The following OR5L1 variants were observed in gnomAD, a reference collection of about 807,000 sequenced individuals.
OR5L1 encodes the protein olfactory receptor family 5 subfamily L member 1, also known as olfactory receptor 5L1.
For missense variants in OR5L1, 398 were observed against 365.8 expected, an observed-to-expected ratio of 1.09 and a Z score of -0.72; for synonymous variants, 197 against 146.6, an observed-to-expected ratio of 1.34 and a Z score of -2.49.
Position 55,811,875 on chromosome 11 carries a change from T to A in OR5L1, c.409T>A (p.Ser137Thr). 6.2e-7 allele frequency: 1 copy of A among 1,614,010 alleles called. No homozygotes were observed. The highest frequency in any genetic ancestry group is 1.1e-5 in the South Asian group (1 of 91,080). The change falls in exon 1 of 1, where the codon TCT (serine) becomes ACT (threonine). Residue 137 changes from serine to threonine, a missense_variant. Coordinates refer to ENST00000625203, the MANE Select transcript of OR5L1 (RefSeq NM_001004738.2). ...CNPLLYTVTMSWKVRVELASC... is the reference protein window; with the variant it reads ...CNPLLYTVTMTWKVRVELASC... ...CCCTTTGCTATACACAGTCACCATG[T>A]CTTGGAAGGTGCGTGTGGAGCTGGC...
Position 55,811,533 on chromosome 11 carries a change from T to A in OR5L1, c.67T>A (p.Leu23Met). Residue 23 changes from leucine to methionine, a missense_variant, in exon 1 of 1, where the codon TTG becomes ATG. Leu to Met is a conservative substitution (Grantham distance 15, BLOSUM62 2). Transcript: ENST00000625203. ...ILLGLSDVPE[L>M]RVCLFLLFLL... ...CCTTGGACTATCAGATGTCCCTGAG[T>A]TGAGAGTCTGCCTCTTCCTGCTGTT... The A allele has an allele frequency of 6.2e-7, 1 of 1,613,972 alleles. No individual in the cohort carries two copies. The highest frequency in any genetic ancestry group is 2.2e-5 in the East Asian group (1 of 44,866).
chr11:55,812,426 AG>A lies in OR5L1; in HGVS notation c.*26del. 6.5e-7 allele frequency: 1 copy of A among 1,547,044 alleles called. No homozygotes were observed. Among genetic ancestry groups the A allele is most frequent in the Non-Finnish European group, 8.8e-7 (1 of 1,135,076 alleles). ...AGGGAAGATTTTATTAGCACAATTC[AG>A]GATTCCCAAGTAGTGGCAGGCGGGG... On this transcript the variant is annotated 3_prime_UTR_variant, in exon 1 of 1. Coordinates refer to ENST00000625203, the MANE Select transcript of OR5L1 (RefSeq NM_001004738.2).
rs775946927 is a variant in OR5L1 at position 55,812,415 on chromosome 11, TAG to T, written c.*14_*15del. 1.1e-5 allele frequency: 18 copies of T among 1,576,964 alleles called. No individual in the cohort carries two copies. The highest frequency in any genetic ancestry group is 1.7e-4 in the Middle Eastern group (1 of 5,902). ...AATTCACTCCTAGGGAAGATTTTAT[TAG>T]CACAATTCAGGATTCCCAAGTAGTG... On this transcript the variant is annotated 3_prime_UTR_variant, in exon 1 of 1. Transcript: ENST00000625203.
In OR5L1 at chr11:55,812,104, T is replaced by C. The variant is rs2134456606; in HGVS notation, c.638T>C (p.Ile213Thr). 2 of 1,614,046 alleles carry C rather than the reference T, an allele frequency of 1.2e-6. No homozygotes were observed. Among genetic ancestry groups the C allele is most frequent in the African/African-American group, 2.7e-5 (2 of 74,924 alleles). The change falls in exon 1 of 1, where the codon ATC becomes ACC. Residue 213 changes from isoleucine to threonine, a missense_variant. Coordinates refer to ENST00000625203, the MANE Select transcript of OR5L1 (RefSeq NM_001004738.2). The part of the protein sequence containing the change: ...ATLNESVTIM[I>T]ILTSYLLILT... ...TTGAATGAGAGTGTTACCATCATGA[T>C]CATCCTCACCTCCTACCTGCTAATT...
Position 55,812,165 on chromosome 11 carries a change from C to T in OR5L1, c.699C>T (p.Gly233=). 6.2e-7 allele frequency: 1 copy of T among 1,613,968 alleles called. No individual in the cohort carries two copies. Among genetic ancestry groups the T allele is most frequent in the African/African-American group, 1.3e-5 (1 of 74,878 alleles). ...TCCTGAAGATGGGCTCTGCAGAGGG[C>T]AGGCACAAAGCCTTCTCCACCTGTG... ...TTILKMGSAE[G]RHKAFSTCAS... is the part of the protein sequence containing the mutation. The change falls in exon 1 of 1, where the codon GGC becomes GGT. Residue 233 remains glycine, a synonymous_variant. Transcript: ENST00000625203.
rs1233522334 is a variant in OR5L1, at chr11:55,812,390, A to G, written c.924A>G (p.Lys308=). ...CTCTCAGAAAAGTGATGGGCTCCAA[A>G]ATTCACTCCTAGGGAAGATTTTATT... ...KEALRKVMGS[K]IHS is the part of the protein sequence containing the mutation. The change falls in exon 1 of 1, where the codon AAA becomes AAG. Residue 308 remains lysine, a synonymous_variant. Transcript: ENST00000625203. 1 of 1,604,248 alleles carries G rather than the reference A, an allele frequency of 6.2e-7. No individual in the cohort carries two copies. The highest frequency in any genetic ancestry group is 2.2e-5 in the East Asian group (1 of 44,858).
At position 55,812,149 on chromosome 11, in the gene OR5L1, T is replaced by C. The variant is rs760158847; in HGVS notation, c.683T>C (p.Met228Thr). 3.1e-6 allele frequency: 5 copies of C among 1,614,042 alleles called. No homozygotes were observed. The highest frequency in any genetic ancestry group is 4.2e-6 in the Non-Finnish European group (5 of 1,180,042). The change falls in exon 1 of 1, where the codon ATG (methionine) becomes ACG (threonine). Residue 228 changes from methionine (M) to threonine (T), a missense_variant. Physicochemically the swap from Met to Thr is moderately conservative, Grantham distance 81 (BLOSUM62 -1). Coordinates refer to ENST00000625203, the MANE Select transcript of OR5L1 (RefSeq NM_001004738.2). Reference protein sequence around the residue: ...YLLILTTILKMGSAEGRHKAF... With the variant: ...YLLILTTILKTGSAEGRHKAF... ...CTAATTCTCACCACCATCCTGAAGA[T>C]GGGCTCTGCAGAGGGCAGGCACAAA...
At position 55,812,018 on chromosome 11, in the gene OR5L1, C is replaced by T; in HGVS notation, c.552C>T (p.Val184=). The part of the protein sequence containing the change: ...INHFFCDLPP[V]LSLACSDITV... ...ACTTTTTCTGTGATCTACCTCCTGTCTTAAGTCTTGCTTGCTCTGATATCA... is the reference window on the plus strand; with the variant it reads ...ACTTTTTCTGTGATCTACCTCCTGTTTTAAGTCTTGCTTGCTCTGATATCA... Residue 184 remains valine, a synonymous_variant, in exon 1 of 1, where the codon GTC becomes GTT. Transcript: ENST00000625203. The T allele has an allele frequency of 1.2e-6, 2 of 1,613,938 alleles. No homozygotes were observed. Among genetic ancestry groups the T allele is most frequent in the Non-Finnish European group, 1.7e-6 (2 of 1,180,008 alleles).
Position 55,812,474 on chromosome 11 carries a change from T to G in OR5L1, c.*72T>G. The G allele has an allele frequency of 1.9e-6, 2 of 1,034,472 alleles. No individual in the cohort carries two copies. The highest frequency in any genetic ancestry group is 1.6e-5 in the African/African-American group (1 of 61,832). 64.1% of individuals were successfully genotyped at this position (1,034,472 alleles called of 1,614,324 possible). A position where few individuals can be genotyped will look rare whatever the true frequency, so the allele number is the denominator to read the frequency against. ...GGGGGTTCACGGGAGAGGCACAGTG[T>G]TGGAGTACAGAGAAGAAGGAGCTCA... is the stretch of plus-strand genomic sequence containing the variant. On this transcript the variant is annotated 3_prime_UTR_variant, in exon 1 of 1. Transcript: ENST00000625203.
chr11:55,811,456 A>T lies in OR5L1; in HGVS notation c.-11A>T. Reference sequence around the variant, plus strand: ...AGTTTCTTTTCCTCCAATCTCATATAAATTGGAGACATGGGCAAGGAAAAC... The same window carrying T: ...AGTTTCTTTTCCTCCAATCTCATATTAATTGGAGACATGGGCAAGGAAAAC... On this transcript the variant is annotated 5_prime_UTR_variant, in exon 1 of 1. Transcript: ENST00000625203. 1.2e-6 allele frequency: 2 copies of T among 1,606,022 alleles called. No individual in the cohort carries two copies. The highest frequency in any genetic ancestry group is 1.7e-6 in the Non-Finnish European group (2 of 1,175,980).
rs1245509592 is a variant in OR5L1, at chr11:55,811,666, C to T, written c.200C>T (p.Ser67Phe). The change falls in exon 1 of 1, where the codon TCC becomes TTC. Residue 67 changes from serine to phenylalanine, a missense_variant. Physicochemically the swap from Ser to Phe is radical, Grantham distance 155. Coordinates refer to ENST00000625203, the MANE Select transcript of OR5L1 (RefSeq NM_001004738.2). ...ATGTACTTTTTCCTCAGCCACTTGT[C>T]CTCTGTAGATTTCTGCTACTCCTCA... ...TPMYFFLSHL[S>F]SVDFCYSSII... The T allele has an allele frequency of 6.2e-7, 1 of 1,614,004 alleles. No homozygotes were observed. Among genetic ancestry groups the T allele is most frequent in the Non-Finnish European group, 8.5e-7 (1 of 1,180,036 alleles).
Position 55,812,117 on chromosome 11 carries a change from C to T in OR5L1, c.651C>T (p.Ser217=), listed in dbSNP as rs1346439614. 3.7e-6 allele frequency: 6 copies of T among 1,613,912 alleles called. No individual in the cohort carries two copies. In the South Asian group the frequency reaches 4.4e-5, roughly 12 times the overall value. ...ESVTIMIILT[S]YLLILTTILK... is the part of the protein sequence containing the mutation. ...TTACCATCATGATCATCCTCACCTC[C>T]TACCTGCTAATTCTCACCACCATCC... Residue 217 remains serine (S), a synonymous_variant, in exon 1 of 1, where the codon TCC becomes TCT. Transcript: ENST00000625203.
At position 55,812,274 on chromosome 11, in the gene OR5L1, G is replaced by C; in HGVS notation, c.808G>C (p.Ala270Pro). The change falls in exon 1 of 1, where the codon GCT (alanine) becomes CCT (proline). Residue 270 changes from alanine to proline, a missense_variant. Ala to Pro is a conservative substitution (Grantham distance 27). Transcript: ENST00000625203. ...GCCCAGTTCAGGCAATAGTGGAGATGCTGACAAAGTGGCCACCGTGTTCTA... is the reference window on the plus strand; with the variant it reads ...GCCCAGTTCAGGCAATAGTGGAGATCCTGACAAAGTGGCCACCGTGTTCTA... ...CRPSSGNSGD[A>P]DKVATVFYTV... 6.7e-7 allele frequency: 1 copy of C among 1,498,320 alleles called. No homozygotes were observed. Among genetic ancestry groups the C allele is most frequent in the Non-Finnish European group, 8.9e-7 (1 of 1,123,072 alleles). The allele number at this position is 1,498,320 out of a possible 1,614,324, so 92.8% of individuals were successfully genotyped here.
rs201869840 is a variant in OR5L1, at chr11:55,812,181, T to C, written c.715T>C (p.Ser239Pro). Residue 239 changes from serine to proline, a missense_variant, in exon 1 of 1, where the codon TCC becomes CCC. Coordinates refer to ENST00000625203, the MANE Select transcript of OR5L1 (RefSeq NM_001004738.2). ...GSAEGRHKAF[S>P]TCASHLTAIT... ...TGCAGAGGGCAGGCACAAAGCCTTC[T>C]CCACCTGTGCTTCCCACCTCACAGC... 1.1e-4 allele frequency: 184 copies of C among 1,613,802 alleles called. No homozygotes were observed. The highest frequency in any genetic ancestry group is 1.4e-4 in the Non-Finnish European group (168 of 1,180,008).
chr11:55,812,399 C>T lies in OR5L1; in HGVS notation c.933C>T (p.Ser311=), dbSNP rs1853712770. The T allele has an allele frequency of 6.3e-7, 1 of 1,595,058 alleles. No homozygotes were observed. Among genetic ancestry groups the T allele is most frequent in the Middle Eastern group, 1.7e-4 (1 of 5,966 alleles). Residue 311 remains serine, a synonymous_variant, in exon 1 of 1, where the codon TCC becomes TCT. Coordinates refer to ENST00000625203, the MANE Select transcript of OR5L1 (RefSeq NM_001004738.2). ...LRKVMGSKIH[S] Reference sequence around the variant, plus strand: ...AAGTGATGGGCTCCAAAATTCACTCCTAGGGAAGATTTTATTAGCACAATT... The same window carrying T: ...AAGTGATGGGCTCCAAAATTCACTCTTAGGGAAGATTTTATTAGCACAATT...
chr11:55,812,448 CG>C lies in OR5L1; in HGVS notation c.*51del. 7.5e-7 allele frequency: 1 copy of C among 1,341,182 alleles called. No homozygotes were observed. The highest frequency in any genetic ancestry group is 1.0e-6 in the Non-Finnish European group (1 of 957,942). The allele number at this position is 1,341,182 out of a possible 1,614,324, so 83.1% of individuals were successfully genotyped here. A position where few individuals can be genotyped will look rare whatever the true frequency, so the allele number is the denominator to read the frequency against. On this transcript the variant is annotated 3_prime_UTR_variant, in exon 1 of 1. Transcript: ENST00000625203. ...TTCAGGATTCCCAAGTAGTGGCAGG[CG>C]GGGGTTCACGGGAGAGGCACAGTGT... is the stretch of plus-strand genomic sequence containing the variant.
At position 55,812,040 on chromosome 11, in the gene OR5L1, A is replaced by G. The variant is rs141386461; in HGVS notation, c.574A>G (p.Ile192Val). ...PPVLSLACSD[I>V]TVNETLLFLV... ...TGTCTTAAGTCTTGCTTGCTCTGATATCACTGTGAATGAGACACTGCTGTT... is the reference window on the plus strand; with the variant it reads ...TGTCTTAAGTCTTGCTTGCTCTGATGTCACTGTGAATGAGACACTGCTGTT... The change falls in exon 1 of 1, where the codon ATC becomes GTC. Residue 192 changes from isoleucine to valine, a missense_variant. By Grantham distance (29) the Ile-to-Val change is conservative. Coordinates refer to ENST00000625203, the MANE Select transcript of OR5L1 (RefSeq NM_001004738.2). 8.4e-5 allele frequency: 136 copies of G among 1,613,726 alleles called. No individual in the cohort carries two copies. The highest frequency in any genetic ancestry group is 8.2e-4 in the Admixed American group (49 of 59,986).
At position 55,812,334 on chromosome 11, in the gene OR5L1, T is replaced by C; in HGVS notation, c.868T>C (p.Tyr290His). The change falls in exon 1 of 1, where the codon TAC becomes CAC. Residue 290 changes from tyrosine (Y) to histidine (H), a missense_variant. Tyr to His is a moderately conservative substitution (Grantham distance 83). Coordinates refer to ENST00000625203, the MANE Select transcript of OR5L1 (RefSeq NM_001004738.2). ...VVIPMLNSVIYSLRNKDVKEA... is the reference protein window; with the variant it reads ...VVIPMLNSVIHSLRNKDVKEA... ...GATTCCTATGCTGAACTCTGTGATC[T>C]ACAGCCTGAGAAATAAAGATGTGAA... The C allele has an allele frequency of 6.2e-7, 1 of 1,613,942 alleles. No homozygotes were observed. Among genetic ancestry groups the C allele is most frequent in the Non-Finnish European group, 8.5e-7 (1 of 1,179,982 alleles).
chr11:55,811,643 G>C lies in OR5L1; in HGVS notation c.177G>C (p.Met59Ile). ...IQVSSRLHTP[M>I]YFFLSHLSSV... ...TCAGCTCTCGGCTCCACACCCCCAT[G>C]TACTTTTTCCTCAGCCACTTGTCCT... Residue 59 changes from methionine (M) to isoleucine (I), a missense_variant, in exon 1 of 1, where the codon ATG (methionine) becomes ATC (isoleucine). Transcript: ENST00000625203. The C allele has an allele frequency of 6.2e-7, 1 of 1,613,954 alleles. No individual in the cohort carries two copies. The highest frequency in any genetic ancestry group is 8.5e-7 in the Non-Finnish European group (1 of 1,180,018).
Sources: allele counts gnomAD v4.1 joint callset, GRCh38; gene constraint gnomAD v4.1.1; transcripts MANE v1.5; gene names NCBI Gene and HGNC (gene_info 2026-07-23, HGNC 2026-07-21).